Variants in RABGAP1L observed in about 807,000 individuals in gnomAD.
The protein encoded by RABGAP1L is rab GTPase-activating protein 1-like.
RABGAP1L carries 63 observed loss-of-function variants against 137.7 expected under a neutral mutation model. That is an observed-to-expected ratio of 0.46 (90% confidence interval 0.37 to 0.56). RABGAP1L has a LOEUF of 0.56. Among genes scored for constraint, RABGAP1L ranks in the 20% least tolerant of loss-of-function variants. RABGAP1L has a pLI of 0.00. For synonymous variants in RABGAP1L, 431 were observed against 433.7 expected (o/e 0.99, Z 0.08); for missense variants, 1,095 against 1,244.0 (o/e 0.88, Z 1.80).
chr1:174,738,638 T>G (rs189672383), intron 17 of RABGAP1L, among the ~76,000 whole-genome samples: 53 of 152,302 alleles, frequency 3.5e-4, no homozygotes, highest in African/African-American at 1.1e-3. Flanking sequence ...TTAGGAATCT[T>G]ACACATGGGG....
intron 13 of RABGAP1L, among the ~76,000 whole-genome samples, chr1:174,495,233 C>T (rs1660636398): frequency 6.6e-6 from 1 of 152,138 alleles, no homozygotes; most frequent in Admixed American, 6.6e-5. Context: ...CTTCTAGTCT[C>T]ACAAATTCAT....
At chr1:174,718,458 G>C (rs886950835) in intron 17 of RABGAP1L, among the ~76,000 whole-genome samples, 3 of 152,254 alleles carry the variant, frequency 2.0e-5, no homozygotes, top group Non-Finnish European at 2.9e-5. Context: ...AAGTGCACAA[G>C]CTCAAAAGGA....
intron 19 of RABGAP1L, among the ~76,000 whole-genome samples, chr1:174,910,138 CAAA>C (rs1055654036): frequency 1.4e-5 from 2 of 147,854 alleles, no homozygotes; most frequent in East Asian, 4.0e-4. Flanking sequence ...GAGTCTGTCT[CAAA>C]AAAAAACACA....
At chr1:174,253,579 T>C (rs1371659423) in intron 7 of RABGAP1L, among the ~76,000 whole-genome samples, 1 of 152,158 alleles carries the variant, frequency 6.6e-6, no homozygotes, top group Non-Finnish European at 1.5e-5. Context: ...ATTTGTTAAA[T>C]TGAAAGTTGC....
At chr1:174,760,249 C>A (rs1685113865) in intron 18 of RABGAP1L, among the ~76,000 whole-genome samples, 3 of 151,162 alleles carry the variant, frequency 2.0e-5, no homozygotes, top group Admixed American at 2.0e-4. Context: ...AATTGTGTGT[C>A]ATGGGGGTTT....
chr1:174,520,472 T>A (rs1663264708), intron 13 of RABGAP1L, among the ~76,000 whole-genome samples: 1 of 152,226 alleles, frequency 6.6e-6, no homozygotes, highest in African/African-American at 2.4e-5. Flanking sequence ...ACATCAAATA[T>A]ATAAACTGAA....
intron 13 of RABGAP1L, among the ~76,000 whole-genome samples, chr1:174,619,765 A>C (rs1476206160): frequency 1.3e-5 from 2 of 152,236 alleles, no homozygotes; most frequent in Non-Finnish European, 2.9e-5. Flanking sequence ...CATCATAATG[A>C]CAGGATCAAA....
At chr1:174,975,008 T>C (rs1284330204) in intron 21 of RABGAP1L, among the ~76,000 whole-genome samples, 2 of 152,258 alleles carry the variant, frequency 1.3e-5, no homozygotes, top group East Asian at 3.8e-4. Flanking sequence ...TCACCTCTCC[T>C]CTGTGTCTGG....
At chr1:174,632,492 C>A in intron 13 of RABGAP1L, among the ~76,000 whole-genome samples, 1 of 150,316 alleles carries the variant, frequency 6.7e-6, no homozygotes, top group Non-Finnish European at 1.5e-5. Context: ...GAGTGTTTTC[C>A]AACTTGGTTC....
chr1:174,649,672 TG>T (rs1159142883), intron 14 of RABGAP1L, among the ~76,000 whole-genome samples: 1 of 152,172 alleles, frequency 6.6e-6, no homozygotes, highest in African/African-American at 2.4e-5. Context: ...TTGTGATTTT[TG>T]CACATTGATT....
intron 13 of RABGAP1L, among the ~76,000 whole-genome samples, chr1:174,511,141 A>G (rs1255064288): frequency 6.6e-6 from 1 of 152,210 alleles, no homozygotes; most frequent in African/African-American, 2.4e-5. Context: ...TTAAAAGCCA[A>G]CTACATAGCT....
intron 19 of RABGAP1L, among the ~76,000 whole-genome samples, chr1:174,864,242 T>G (rs1255061371): frequency 6.6e-6 from 1 of 152,220 alleles, no homozygotes; most frequent in South Asian, 2.1e-4. Flanking sequence ...TGTCCTGTTA[T>G]ACTTAATTTA....
chr1:174,637,849 T>C (rs1287202175), intron 14 of RABGAP1L, among the ~76,000 whole-genome samples: 3 of 152,240 alleles, frequency 2.0e-5, no homozygotes, highest in Non-Finnish European at 4.4e-5. Flanking sequence ...AACAGGCAAG[T>C]GTAAGAATCA....
intron 14 of RABGAP1L, among the ~76,000 whole-genome samples, chr1:174,668,457 G>A (rs1156567525): frequency 6.6e-6 from 1 of 152,074 alleles, no homozygotes; most frequent in South Asian, 2.1e-4. Flanking sequence ...TTTTATGGCT[G>A]AGTAGTATTC....
chr1:174,305,915 C>A (rs1011974233), intron 11 of RABGAP1L, among the ~76,000 whole-genome samples: 1 of 152,152 alleles, frequency 6.6e-6, no homozygotes, highest in Non-Finnish European at 1.5e-5. Flanking sequence ...TCCCTCCCCC[C>A]TCCTCCCACC....
chr1:174,962,205 C>CCACA lies in RABGAP1L; in HGVS notation c.2433+4667_2433+4670dup, dbSNP rs1553295729. Among the ~76,000 whole-genome samples the CCACA allele has an allele frequency of 2.5e-4, 34 of 136,824 alleles. 3 individuals are homozygous for CCACA. The highest frequency in any genetic ancestry group is 9.5e-4 in the African/African-American group (32 of 33,694). 89.8% of individuals were successfully genotyped at this position (136,824 alleles called of 152,430 possible). On this transcript the variant is annotated intron_variant, in intron 20 of 25. Coordinates refer to ENST00000681986, the MANE Select transcript of RABGAP1L (RefSeq NM_001366446.1). Reference sequence around the variant, plus strand: ...ATAAAAATAAAAATACACCCCCCCCCCACACACACACACAGCTAGTTAATT... The same window carrying CCACA: ...ATAAAAATAAAAATACACCCCCCCCCCACACACACACACACACAGCTAGTTAATT...
At chr1:174,709,564 C>G (rs1680315717) in intron 17 of RABGAP1L, among the ~76,000 whole-genome samples, 1 of 152,140 alleles carries the variant, frequency 6.6e-6, no homozygotes. Context: ...CAGCAAACTC[C>G]AGCAGACCTG....
intron 13 of RABGAP1L, among the ~76,000 whole-genome samples, chr1:174,604,078 C>G (rs967659643): frequency 2.0e-5 from 3 of 151,904 alleles, no homozygotes; most frequent in African/African-American, 4.8e-5. Context: ...TGTGTGTACC[C>G]CATGTCCTCT....
intron 13 of RABGAP1L, among the ~76,000 whole-genome samples, chr1:174,418,991 T>C (rs1402525087): frequency 6.6e-6 from 1 of 152,000 alleles, no homozygotes; most frequent in Non-Finnish European, 1.5e-5. Flanking sequence ...TGAGCTGAGA[T>C]TGTGCCACTT....
Sources: allele counts gnomAD v4.1 joint callset (sites outside exome capture counted in the v4.1 genomes callset), GRCh38; gene constraint gnomAD v4.1.1; transcripts MANE v1.5; gene names NCBI Gene and HGNC (gene_info 2026-07-23, HGNC 2026-07-21).